PRICKLE1: variants seen among roughly 807,000 people sequenced by gnomAD.
The protein encoded by PRICKLE1 is prickle-like protein 1.
Under a neutral mutation model 70.2 loss-of-function variants are expected in PRICKLE1, and 14 were observed. The observed-to-expected ratio is 0.20, with a 90% CI of 0.13 to 0.31. The LOEUF is 0.31. Ranked by LOEUF, PRICKLE1 falls within the 10% of genes least tolerant of loss-of-function variation. The pLI is 1.00. For missense variants in PRICKLE1, 821 were observed against 1,026.2 expected (o/e 0.80, Z 2.73); for synonymous variants, 357 against 379.9 (o/e 0.94, Z 0.70).
chr12:42,547,407 T>C (rs1044758755), intron 1 of PRICKLE1, among the ~76,000 whole-genome samples: 2 of 152,230 alleles, frequency 1.3e-5, no homozygotes, highest in African/African-American at 4.8e-5. Context: ...GATTATGTAA[T>C]ATAACAGATG....
chr12:42,509,748 AAGAAAT>A (rs1236383680), intron 1 of PRICKLE1, among the ~76,000 whole-genome samples: 5 of 152,116 alleles, frequency 3.3e-5, no homozygotes, highest in Non-Finnish European at 7.4e-5. Flanking sequence ...GGCCTTTACT[AAGAAAT>A]AGCTCATGTC....
chr12:42,544,947 C>T (rs943156987), intron 1 of PRICKLE1, among the ~76,000 whole-genome samples: 3 of 151,730 alleles, frequency 2.0e-5, no homozygotes, highest in Non-Finnish European at 4.4e-5. Context: ...CCTTGCTTTG[C>T]AGGAGAAGTG....
chr12:42,504,931 G>A (rs1373536665), intron 1 of PRICKLE1, among the ~76,000 whole-genome samples: 1 of 152,018 alleles, frequency 6.6e-6, no homozygotes, highest in African/African-American at 2.4e-5. Flanking sequence ...CACCAGGTCA[G>A]GGGTTTGAGA....
chr12:42,542,946 A>T (rs370497029), intron 1 of PRICKLE1, among the ~76,000 whole-genome samples: 1 of 152,220 alleles, frequency 6.6e-6, no homozygotes, highest in African/African-American at 2.4e-5. Flanking sequence ...GTGATAGGTC[A>T]TGAAGGCAGA....
chr12:42,521,929 GGTGTGTGTGTGTGT>G (rs72169209), intron 1 of PRICKLE1, among the ~76,000 whole-genome samples: 12 of 139,910 alleles, frequency 8.6e-5, no homozygotes, highest in South Asian at 2.2e-4. Flanking sequence ...GTTTGTTTTT[GGTGTGTGTGTGTGT>G]GTGTGTGTGT....
At position 42,457,352 on chromosome 12, in the gene PRICKLE1, C is replaced by CTAT. The variant is rs1057498401; in HGVS notation, c.*2454_*2456dup. The CTAT allele has an allele frequency of 1.5e-4, 23 of 152,178 alleles. No individual in the cohort carries two copies. Among genetic ancestry groups the CTAT allele is most frequent in the African/African-American group, 5.5e-4 (23 of 41,442 alleles). The allele number at this position is 152,178 out of a possible 1,614,324, so 9.4% of individuals were successfully genotyped here. ...CTTCAGGCTAAGTATCACCTGTTTACTATTTATTATCCATCCTTTATAAGC... is the reference window on the plus strand; with the variant it reads ...CTTCAGGCTAAGTATCACCTGTTTACTATTATTTATTATCCATCCTTTATAAGC... On this transcript the variant is annotated 3_prime_UTR_variant, in exon 8 of 8. Coordinates refer to ENST00000345127, the MANE Select transcript of PRICKLE1 (RefSeq NM_153026.3).
intron 1 of PRICKLE1, among the ~76,000 whole-genome samples, chr12:42,499,696 C>CTTTGG (rs1939271720): frequency 6.6e-6 from 1 of 150,856 alleles, no homozygotes; most frequent in African/African-American, 2.4e-5. Context: ...GCTGGGATTA[C>CTTTGG]AGGTATGAGC....
intron 1 of PRICKLE1, among the ~76,000 whole-genome samples, chr12:42,515,444 G>T (rs1326387573): frequency 2.6e-5 from 4 of 151,986 alleles, no homozygotes; most frequent in Non-Finnish European, 5.9e-5. Context: ...CACCAAGTTG[G>T]CCAGGCTGGT....
intron 1 of PRICKLE1, among the ~76,000 whole-genome samples, chr12:42,506,249 T>G (rs1939411083): frequency 2.0e-5 from 1 of 48,874 alleles, no homozygotes; most frequent in Non-Finnish European, 3.5e-5. Context: ...ATGTTCTTTT[T>G]TCTTTCTTTC....
At chr12:42,581,280 A>G (rs1257413402) in intron 1 of PRICKLE1, among the ~76,000 whole-genome samples, 1 of 152,176 alleles carries the variant, frequency 6.6e-6, no homozygotes, top group African/African-American at 2.4e-5. Flanking sequence ...AACTGGCTCA[A>G]AAATCACACA....
chr12:42,466,261 G>C lies in PRICKLE1; in HGVS notation c.708C>G (p.Arg236=), dbSNP rs1339003436. 1 of 1,614,088 alleles carries C rather than the reference G, an allele frequency of 6.2e-7. No homozygotes were observed. The highest frequency in any genetic ancestry group is 8.5e-7 in the Non-Finnish European group (1 of 1,180,046). The change falls in exon 6 of 8, where the codon CGC becomes CGG. Residue 236 remains arginine (R), a synonymous_variant. Transcript: ENST00000345127. ...ACTCAAAACAGCCACAGCAGAAGGG[G>C]CGGCCGTCCTTCATGATATACCTCT... is the stretch of plus-strand genomic sequence containing the variant. ...GGQRYIMKDG[R]PFCCGCFESL...
chr12:42,586,396 T>C (rs2120818921), intron 1 of PRICKLE1, among the ~76,000 whole-genome samples: 1 of 152,112 alleles, frequency 6.6e-6, no homozygotes, highest in South Asian at 2.1e-4. Context: ...TTACCTTTTT[T>C]TTTTTTTTTC....
chr12:42,541,338 T>TC (rs1244081493), intron 1 of PRICKLE1, among the ~76,000 whole-genome samples: 1 of 151,552 alleles, frequency 6.6e-6, no homozygotes, highest in African/African-American at 2.4e-5. Context: ...TCTACTCTTC[T>TC]CTTTTTTTTT....
intron 1 of PRICKLE1, among the ~76,000 whole-genome samples, chr12:42,482,580 A>C (rs1014789680): frequency 5.9e-5 from 9 of 152,144 alleles, no homozygotes; most frequent in Non-Finnish European, 1.3e-4. Context: ...CCTGAACAAC[A>C]CTCCTCTTTG....
At chr12:42,530,680 A>AT (rs34675637) in intron 1 of PRICKLE1, among the ~76,000 whole-genome samples, 16,365 of 96,988 alleles carry the variant, frequency 0.17, 1,793 homozygotes, top group Non-Finnish European at 0.18. Context: ...TTATCAAATA[A>AT]TTTTTTTTTT....
Position 42,469,584 on chromosome 12 carries a change from G to T in PRICKLE1, c.250C>A (p.Arg84=), listed in dbSNP as rs775472022. ...TCTTCACTCAAAGACTGGCAATACC[G>T]TACCTTCACAGAAAGCAAAACAGAA... ...YQLPPHDNEV[R]YCQSLSEEEK... The change falls in exon 4 of 8, where the codon CGG becomes AGG. Residue 84 remains arginine, a synonymous_variant. Coordinates refer to ENST00000345127, the MANE Select transcript of PRICKLE1 (RefSeq NM_153026.3). 9 of 1,613,932 alleles carry T rather than the reference G, an allele frequency of 5.6e-6. No homozygotes were observed. The highest frequency in any genetic ancestry group is 7.6e-6 in the Non-Finnish European group (9 of 1,180,028).
intron 1 of PRICKLE1, among the ~76,000 whole-genome samples, chr12:42,556,671 C>G (rs1940417713): frequency 6.6e-6 from 1 of 152,118 alleles, no homozygotes; most frequent in Non-Finnish European, 1.5e-5. Context: ...TATAATTAGT[C>G]AAGAAGTTTA....
intron 1 of PRICKLE1, among the ~76,000 whole-genome samples, chr12:42,578,205 A>G (rs1299967450): frequency 6.6e-6 from 1 of 152,222 alleles, no homozygotes; most frequent in African/African-American, 2.4e-5. Flanking sequence ...AACTCGAGAC[A>G]TTAAAATAAT....
At chr12:42,557,433 G>A (rs894420787) in intron 1 of PRICKLE1, among the ~76,000 whole-genome samples, 1 of 152,122 alleles carries the variant, frequency 6.6e-6, no homozygotes, top group African/African-American at 2.4e-5. Context: ...GCCAGCTCAA[G>A]TAGCTCAATT....
Sources: allele counts gnomAD v4.1 joint callset (sites outside exome capture counted in the v4.1 genomes callset), GRCh38; gene constraint gnomAD v4.1.1; transcripts MANE v1.5; gene names NCBI Gene and HGNC (gene_info 2026-07-23, HGNC 2026-07-21).